SOX6: variants seen among roughly 807,000 people sequenced by gnomAD.
The protein encoded by SOX6 is transcription factor SOX-6.
In SOX6, 11 loss-of-function variants were observed where a neutral mutation model predicts 97.8. The observed-to-expected ratio is 0.11, with a 90% CI of 0.07 to 0.19. The LOEUF (loss-of-function observed/expected upper bound fraction) is 0.19, where lower values mean the gene tolerates loss of function less well. SOX6 is among the 10% of genes least tolerant of loss of function. The pLI, the probability that SOX6 is intolerant of heterozygous loss-of-function variation, is 1.00. For synonymous variants in SOX6, 360 were observed against 371.4 expected (o/e 0.97, Z 0.35); for missense variants, 810 against 1,039.5 (o/e 0.78, Z 3.04).
chr11:16,246,457 T>C (rs1392721471), intron 3 of SOX6, among the ~76,000 whole-genome samples: 1 of 151,894 alleles, frequency 6.6e-6, no homozygotes, highest in Non-Finnish European at 1.5e-5. Flanking sequence ...TTGTCTGAAC[T>C]TTTATTTTTC....
intron 4 of SOX6, among the ~76,000 whole-genome samples, chr11:16,524,234 A>C (rs1392128134): frequency 6.6e-6 from 1 of 151,986 alleles, no homozygotes; most frequent in Non-Finnish European, 1.5e-5. Flanking sequence ...CCTCAATAAA[A>C]TACTGGCAAA....
chr11:16,421,416 G>C (rs1301626118), intron 1 of SOX6, among the ~76,000 whole-genome samples: 1 of 151,936 alleles, frequency 6.6e-6, no homozygotes, highest in African/African-American at 2.4e-5. Flanking sequence ...ATAAAATATA[G>C]AAAATGTGCA....
chr11:16,162,736 C>T (rs1850784536), intron 6 of SOX6, among the ~76,000 whole-genome samples: 1 of 152,172 alleles, frequency 6.6e-6, no homozygotes, highest in South Asian at 2.1e-4. Context: ...TATATCAATT[C>T]AAGAATAGCC....
intron 4 of SOX6, among the ~76,000 whole-genome samples, chr11:16,578,700 CTA>C (rs1330648758): frequency 6.6e-6 from 1 of 151,944 alleles, no homozygotes; most frequent in Non-Finnish European, 1.5e-5. Context: ...CTACAGAATT[CTA>C]TGACTCCTGA....
intron 12 of SOX6, among the ~76,000 whole-genome samples, chr11:16,026,719 G>A (rs1855225256): frequency 6.6e-6 from 1 of 152,124 alleles, no homozygotes; most frequent in Admixed American, 6.5e-5. Context: ...TGTCACAAAT[G>A]AGTATTCAAA....
chr11:16,314,373 G>T (rs1855703020), intron 3 of SOX6: 1 of 151,678 alleles, frequency 6.6e-6, no homozygotes, highest in Non-Finnish European at 1.5e-5. Flanking sequence ...ACCTTCCAAT[G>T]GCTTCCAAGG....
intron 1 of SOX6, among the ~76,000 whole-genome samples, chr11:16,353,317 T>C (rs1423860814): frequency 6.6e-6 from 1 of 152,050 alleles, no homozygotes; most frequent in Non-Finnish European, 1.5e-5. Flanking sequence ...TTTCAGGGAA[T>C]GCAGAGTAAT....
At chr11:16,626,865 G>A (rs1365403561) in intron 3 of SOX6, among the ~76,000 whole-genome samples, 1 of 151,980 alleles carries the variant, frequency 6.6e-6, no homozygotes, top group East Asian at 1.9e-4. Context: ...ACATGTGCAG[G>A]TGTGTTACCT....
In SOX6 at chr11:15,984,202, T is replaced by G. The variant is rs1037946604; in HGVS notation, c.2183+2002A>C. ...ATGTTATTAAATTGTTTTAGTTTTT[T>G]ATTTTTACATGCATTGGTACATGTT... On this transcript the variant is annotated intron_variant, in intron 15 of 15. Transcript: ENST00000683767. Among the ~76,000 whole-genome samples, 10 of 152,346 alleles carry G rather than the reference T, an allele frequency of 6.6e-5. No individual in the cohort carries two copies. The South Asian group carries it at 2.1e-3, about 32-fold the overall frequency.
At chr11:16,368,444 T>C (rs1017413713) in intron 1 of SOX6, among the ~76,000 whole-genome samples, 1 of 152,068 alleles carries the variant, frequency 6.6e-6, no homozygotes, top group African/African-American at 2.4e-5. Context: ...ATCTCACCAC[T>C]GCACTCCAGC....
chr11:16,471,828 G>C (rs1860147184), intron 1 of SOX6, among the ~76,000 whole-genome samples: 1 of 152,144 alleles, frequency 6.6e-6, no homozygotes, highest in Non-Finnish European at 1.5e-5. Context: ...ACTGACCAAA[G>C]GAACACCAAA....
At chr11:15,982,730 T>C (rs890783166) in intron 15 of SOX6, among the ~76,000 whole-genome samples, 7 of 152,098 alleles carry the variant, frequency 4.6e-5, no homozygotes, top group Admixed American at 1.3e-4. Context: ...CCTAACTACA[T>C]AGTGTACTTT....
At chr11:16,334,045 T>C (rs1049972618) in intron 2 of SOX6, among the ~76,000 whole-genome samples, 3 of 152,144 alleles carry the variant, frequency 2.0e-5, no homozygotes, top group Non-Finnish European at 4.4e-5. Flanking sequence ...ATTGTGAGTG[T>C]CAGTGATAGA....
chr11:16,003,580 G>A (rs928510122), intron 13 of SOX6, among the ~76,000 whole-genome samples: 2 of 151,960 alleles, frequency 1.3e-5, no homozygotes, highest in African/African-American at 4.8e-5. Context: ...TATCCCCAGG[G>A]TCTAGTAGCC....
chr11:16,023,605 G>C (rs994766705), intron 12 of SOX6, among the ~76,000 whole-genome samples: 6 of 151,982 alleles, frequency 3.9e-5, no homozygotes, highest in Non-Finnish European at 8.8e-5. Context: ...TCACTAGAAA[G>C]GGCTCTCCAA....
intron 12 of SOX6, among the ~76,000 whole-genome samples, chr11:16,019,810 T>C (rs751371349): frequency 2.6e-5 from 4 of 152,052 alleles, no homozygotes; most frequent in Non-Finnish European, 5.9e-5. Flanking sequence ...CCACTAATCG[T>C]GTTTTGTGTG....
intron 1 of SOX6, among the ~76,000 whole-genome samples, chr11:16,404,921 C>T (rs574195995): frequency 1.3e-5 from 2 of 152,082 alleles, no homozygotes; most frequent in East Asian, 1.9e-4. Flanking sequence ...TCAACCAGTG[C>T]TTCTTTCTCC....
At chr11:16,082,810 T>C (rs1486576586) in intron 9 of SOX6, among the ~76,000 whole-genome samples, 1 of 152,164 alleles carries the variant, frequency 6.6e-6, no homozygotes, top group African/African-American at 2.4e-5. Context: ...TAAAATCATG[T>C]CTACCACATG....
chr11:16,696,476 G>T (rs1313540112), intron 3 of SOX6, among the ~76,000 whole-genome samples: 1 of 152,108 alleles, frequency 6.6e-6, no homozygotes, highest in Admixed American at 6.6e-5. Flanking sequence ...CAGAGATATT[G>T]CAAGTTTGGT....
Sources: allele counts gnomAD v4.1 joint callset (sites outside exome capture counted in the v4.1 genomes callset), GRCh38; gene constraint gnomAD v4.1.1; transcripts MANE v1.5; gene names NCBI Gene and HGNC (gene_info 2026-07-23, HGNC 2026-07-21).